Variants in MTOR observed in about 807,000 individuals in gnomAD.
MTOR encodes serine/threonine-protein kinase mTOR.
MTOR carries 70 observed loss-of-function variants against 319.8 expected under a neutral mutation model. The ratio of observed to expected loss-of-function variants is 0.22; its 90% CI spans 0.18 to 0.27. The LOEUF is 0.27. Among genes scored for constraint, MTOR ranks in the 10% least tolerant of loss-of-function variants. The probability of loss-of-function intolerance (pLI) is 1.00; values close to 1 mark genes in which losing one functional copy is unlikely to be tolerated. For synonymous variants in MTOR, 1,183 were observed against 1,211.4 expected (o/e 0.98, Z 0.49); for missense variants, 1,890 against 3,274.4 (o/e 0.58, Z 10.32).
chr1:11,127,924 C>T lies in MTOR; in HGVS notation c.6033+80G>A, dbSNP rs143008101. On this transcript the variant is annotated intron_variant, in intron 43 of 57. Coordinates refer to ENST00000361445, the MANE Select transcript of MTOR (RefSeq NM_004958.4). This position sits in a 1 kb window ranked among gnomAD's most constrained non-coding sequence, Gnocchi z 5.5. ...TCAGAGGAAGTGCACAGCACCAATG[C>T]GAGGAAGAAAAACAATCCCACTTGC... 6.0e-5 allele frequency: 95 copies of T among 1,592,662 alleles called. No individual in the cohort carries two copies. The East Asian group carries it at 7.8e-4, about 13-fold the overall frequency.
At chr1:11,222,489 G>A (rs1047604123) in intron 19 of MTOR, among the ~76,000 whole-genome samples, 23 of 151,928 alleles carry the variant, frequency 1.5e-4, no homozygotes, top group Admixed American at 1.3e-3. Context: ...GGGCCACTGC[G>A]CCCAGCCTAA....
At chr1:11,192,696 G>C (rs1001871518) in intron 28 of MTOR, among the ~76,000 whole-genome samples, 2 of 145,520 alleles carry the variant, frequency 1.4e-5, no homozygotes, top group Admixed American at 7.0e-5. Context: ...AGTGAGCCGA[G>C]ATCACGCCAC....
chr1:11,130,849 C>T lies in MTOR; in HGVS notation c.5365-72G>A, dbSNP rs931769642. 2.0e-5 allele frequency: 30 copies of T among 1,506,090 alleles called. No homozygotes were observed. In the Middle Eastern group the frequency reaches 9.1e-4, roughly 45 times the overall value. 93.3% of individuals were successfully genotyped at this position (1,506,090 alleles called of 1,614,324 possible). On this transcript the variant is annotated intron_variant, in intron 38 of 57. Coordinates refer to ENST00000361445, the MANE Select transcript of MTOR (RefSeq NM_004958.4). ...AGCAGGGCTCAGAGGAGCGCAAGGT[C>T]GATGCTGAGGAACAGCTGCTCCTGC...
intron 6 of MTOR, among the ~76,000 whole-genome samples, chr1:11,250,649 T>C (rs1257819650): frequency 1.3e-5 from 2 of 152,104 alleles, no homozygotes; most frequent in African/African-American, 4.8e-5. Context: ...CATGATGAAA[T>C]AACATCTATA....
intron 28 of MTOR, chr1:11,196,036 A>C (rs1645771481): frequency 6.6e-6 from 1 of 152,216 alleles, no homozygotes; most frequent in Non-Finnish European, 1.5e-5. Context: ...AAAAAGTTAA[A>C]GTTAAATCAG....
intron 26 of MTOR, among the ~76,000 whole-genome samples, chr1:11,202,577 G>T (rs966280485): frequency 1.3e-5 from 2 of 151,608 alleles, no homozygotes; most frequent in Non-Finnish European, 2.9e-5. Context: ...ACATATCCAT[G>T]TAACAAACCT....
intron 28 of MTOR, among the ~76,000 whole-genome samples, chr1:11,179,579 G>A (rs1278123262): frequency 6.6e-6 from 1 of 152,158 alleles, no homozygotes; most frequent in Non-Finnish European, 1.5e-5. Flanking sequence ...ACAATTCCTC[G>A]CTGATGGCGA....
At chr1:11,125,406 C>T (rs921094375) in intron 46 of MTOR, among the ~76,000 whole-genome samples, 2 of 152,114 alleles carry the variant, frequency 1.3e-5, no homozygotes, top group African/African-American at 4.8e-5. Flanking sequence ...TGAATAATCA[C>T]TGCATTTAAG....
chr1:11,182,176 C>T (rs998810975), intron 28 of MTOR, among the ~76,000 whole-genome samples: 5 of 151,590 alleles, frequency 3.3e-5, no homozygotes, highest in Non-Finnish European at 7.4e-5. Flanking sequence ...GAGATTGCGC[C>T]ACTGCGCTCC....
At chr1:11,144,586 T>C (rs1643864974) in intron 34 of MTOR, 62 bp downstream of exon 34, 1 of 1,434,800 alleles carries the variant, frequency 7.0e-7, no homozygotes, top group East Asian at 2.3e-5. Flanking sequence ...AGGGGGGCAC[T>C]CACCCAGGTC....
At position 11,157,177 on chromosome 1, in the gene MTOR, G is replaced by T; in HGVS notation, c.4444C>A (p.Arg1482Ser). 6.2e-7 allele frequency: 1 copy of T among 1,611,436 alleles called. No homozygotes were observed. Among genetic ancestry groups the T allele is most frequent in the Non-Finnish European group, 8.5e-7 (1 of 1,178,732 alleles). The change falls in exon 30 of 58, where the codon CGC (arginine) becomes AGC (serine). Residue 1482 changes from arginine to serine, a missense_variant. This residue lies in a region of MTOR where 276 missense variants were observed against 459.4 expected (regional missense o/e 0.60). Coordinates refer to ENST00000361445, the MANE Select transcript of MTOR (RefSeq NM_004958.4). Reference sequence around the variant, plus strand: ...CATTCCCCCAAGGCCTCGAGGCAGCGCATGCGGCCCAGCATCAGCTCTGGG... The same window carrying T: ...CATTCCCCCAAGGCCTCGAGGCAGCTCATGCGGCCCAGCATCAGCTCTGGG... ...DDPELMLGRMRCLEALGEWGQ... is the reference protein window; with the variant it reads ...DDPELMLGRMSCLEALGEWGQ...
At chr1:11,173,918 G>C (rs1470726252) in intron 28 of MTOR, among the ~76,000 whole-genome samples, 10 of 152,194 alleles carry the variant, frequency 6.6e-5, no homozygotes, top group Non-Finnish European at 1.5e-4. Flanking sequence ...GCAACAAGAA[G>C]AAGATACAAG....
At chr1:11,194,174 G>T (rs563797567) in intron 28 of MTOR, among the ~76,000 whole-genome samples, 1 of 152,338 alleles carries the variant, frequency 6.6e-6, no homozygotes, top group South Asian at 2.1e-4. Context: ...CAGCAGCTCT[G>T]TGTGGGATTC....
At chr1:11,246,885 G>C (rs1002470727) in intron 8 of MTOR, among the ~76,000 whole-genome samples, 4 of 152,236 alleles carry the variant, frequency 2.6e-5, no homozygotes, top group Non-Finnish European at 4.4e-5. Flanking sequence ...AGCTTGAGGA[G>C]GCTGTAATAA....
At chr1:11,194,752 A>ATTCC in intron 28 of MTOR, 1 of 1,599,234 alleles carries the variant, frequency 6.3e-7, no homozygotes, top group Non-Finnish European at 8.5e-7. Flanking sequence ...TACAGTTGAT[A>ATTCC]TTCCGGTTTT....
chr1:11,233,937 G>A (rs1017444657), intron 14 of MTOR, among the ~76,000 whole-genome samples: 1 of 152,138 alleles, frequency 6.6e-6, no homozygotes, highest in African/African-American at 2.4e-5. Context: ...CTTACCTCTT[G>A]TAAGGACAGC....
intron 28 of MTOR, among the ~76,000 whole-genome samples, chr1:11,198,198 G>A (rs1645849653): frequency 6.6e-6 from 1 of 152,178 alleles, no homozygotes; most frequent in African/African-American, 2.4e-5. Flanking sequence ...GGAAGAAAGT[G>A]GATTTTCACA....
chr1:11,223,750 G>A lies in MTOR; in HGVS notation c.3030+4918C>T, dbSNP rs112641862. On this transcript the variant is annotated intron_variant, in intron 19 of 57. Coordinates refer to ENST00000361445, the MANE Select transcript of MTOR (RefSeq NM_004958.4). ...ACTAAGTAAGATGGTGGAAATAAAC[G>A]CAAACATGGCCAGGTGCAGTGGTTC... is the stretch of plus-strand genomic sequence containing the variant. 2.1e-3 allele frequency among the ~76,000 whole-genome samples: 324 copies of A among 151,966 alleles called. 3 individuals are homozygous for A. Among genetic ancestry groups the A allele is most frequent in the African/African-American group, 7.0e-3 (289 of 41,496 alleles).
chr1:11,199,116 C>T lies in MTOR; in HGVS notation c.4253+142G>A, dbSNP rs28730684. On this transcript the variant is annotated intron_variant, in intron 28 of 57. Transcript: ENST00000361445. This position sits in a 1 kb window ranked among gnomAD's most constrained non-coding sequence, Gnocchi z 4.5. ...GGGAGAGCCATCTGCAACAACATGT[C>T]ATTTAAACATGCTGGCCAGACCCAG... 4.6e-4 allele frequency: 469 copies of T among 1,017,240 alleles called. 4 individuals carry two copies. The African/African-American group carries it at 6.9e-3, about 15-fold the overall frequency. 63.0% of individuals were successfully genotyped at this position (1,017,240 alleles called of 1,614,324 possible).
Sources: gnomAD v4.1 joint callset for allele counts (sites outside exome capture counted in the v4.1 genomes callset) on GRCh38, gnomAD v4.1.1 for gene constraint, gnomAD v4.1.1 regional missense constraint, Gnocchi (gnomAD v3.1) non-coding constraint, MANE v1.5 for transcripts, NCBI Gene and HGNC (gene_info 2026-07-23, HGNC 2026-07-21) for gene names.